ADAMTSL1: variants seen among roughly 807,000 people sequenced by gnomAD.
ADAMTSL1 encodes ADAMTS like 1.
ADAMTSL1 carries 126 observed loss-of-function variants against 201.8 expected under a neutral mutation model. The ratio of observed to expected loss-of-function variants is 0.62; its 90% CI spans 0.54 to 0.72. ADAMTSL1 has a LOEUF of 0.72. Ranked by LOEUF, ADAMTSL1 falls within the 30% of genes least tolerant of loss-of-function variation. The pLI, the probability that ADAMTSL1 is intolerant of heterozygous loss-of-function variation, is 0.00. For synonymous variants in ADAMTSL1, 1,121 were observed against 903.4 expected (o/e 1.24, Z -4.32); for missense variants, 2,679 against 2,277.8 (o/e 1.18, Z -3.59).
intron 15 of ADAMTSL1, among the ~76,000 whole-genome samples, chr9:18,746,932 C>T (rs1819181351): frequency 6.6e-6 from 1 of 152,158 alleles, no homozygotes; most frequent in African/African-American, 2.4e-5. Context: ...TCTGCCTTTG[C>T]CCATTTGGCT....
rs61625652 is a variant in ADAMTSL1 at position 18,240,436 on chromosome 9, T to C, written c.207+76455T>C. ...AGATGAGCTGTCATCCAGGCTTTGT[T>C]GTTCCATTTATAGAGCACAGGCAGA... is the stretch of plus-strand genomic sequence containing the variant. On this transcript the variant is annotated intron_variant, in intron 2 of 29. Transcript: ENST00000680146. Among the ~76,000 whole-genome samples, 1,477 of 152,214 alleles carry C rather than the reference T, an allele frequency of 9.7e-3. 21 individuals are homozygous for C. The highest frequency in any genetic ancestry group is 0.033 in the African/African-American group (1,381 of 41,528).
chr9:18,721,864 C>G (rs542449745), intron 15 of ADAMTSL1, among the ~76,000 whole-genome samples, 199 bp downstream of exon 15: 1 of 152,172 alleles, frequency 6.6e-6, no homozygotes, highest in Non-Finnish European at 1.5e-5. Flanking sequence ...ATGGTCATGC[C>G]AGAATCTGGA....
chr9:18,220,156 T>A (rs538259726), intron 2 of ADAMTSL1, among the ~76,000 whole-genome samples: 1 of 152,182 alleles, frequency 6.6e-6, no homozygotes, highest in Non-Finnish European at 1.5e-5. Context: ...CAAATTCGTA[T>A]CTTTACTAAT....
intron 2 of ADAMTSL1, among the ~76,000 whole-genome samples, chr9:18,233,621 CAA>C (rs149971494): frequency 0.034 from 5,182 of 151,314 alleles, 226 homozygotes; most frequent in African/African-American, 0.11. Context: ...AGACAGCAGA[CAA>C]AGAGATGAGA....
intron 4 of ADAMTSL1, among the ~76,000 whole-genome samples, chr9:18,581,337 T>A (rs1023276513): frequency 2.6e-5 from 4 of 152,204 alleles, no homozygotes; most frequent in African/African-American, 9.6e-5. Context: ...CTGCAAAGAT[T>A]CTATTTCCTA....
chr9:18,904,341 T>A (rs1830169062), intron 26 of ADAMTSL1, among the ~76,000 whole-genome samples: 1 of 151,956 alleles, frequency 6.6e-6, no homozygotes, highest in Admixed American at 6.6e-5. Context: ...TGATGGCACA[T>A]GCCTGTAGTC....
chr9:18,141,780 T>A (rs1464278396), intron 1 of ADAMTSL1, among the ~76,000 whole-genome samples: 1 of 152,168 alleles, frequency 6.6e-6, no homozygotes, highest in East Asian at 1.9e-4. Flanking sequence ...GTAGATCTTG[T>A]CACTGACTCT....
intron 2 of ADAMTSL1, among the ~76,000 whole-genome samples, chr9:18,372,760 A>G (rs1035252245): frequency 6.6e-6 from 1 of 152,326 alleles, no homozygotes; most frequent in Admixed American, 6.5e-5. Context: ...CTTTGGTTAC[A>G]TGTGGGGCTC....
intron 20 of ADAMTSL1, among the ~76,000 whole-genome samples, chr9:18,809,052 AAAG>A (rs1823343299): frequency 6.6e-6 from 1 of 152,264 alleles, no homozygotes; most frequent in South Asian, 2.1e-4. Flanking sequence ...TGATAGAAAT[AAAG>A]AAGACAAGAG....
intron 2 of ADAMTSL1, among the ~76,000 whole-genome samples, chr9:18,192,020 G>C (rs931374038): frequency 2.0e-5 from 3 of 152,130 alleles, no homozygotes; most frequent in African/African-American, 7.2e-5. Flanking sequence ...GATCGTTACG[G>C]TGTTTGACAT....
chr9:18,657,778 T>G (rs374914646), intron 8 of ADAMTSL1, 28 bp downstream of exon 8: 1 of 1,569,026 alleles, frequency 6.4e-7, no homozygotes, highest in African/African-American at 1.4e-5. Flanking sequence ...GTCTAAAAAC[T>G]GTTGGCTTCT....
intron 23 of ADAMTSL1, among the ~76,000 whole-genome samples, chr9:18,865,443 T>A (rs1055128674): frequency 6.6e-6 from 1 of 152,194 alleles, no homozygotes; most frequent in South Asian, 2.1e-4. Flanking sequence ...TCTATCGTTG[T>A]TGGACATTTG....
At chr9:18,758,003 T>C (rs150215700) in intron 16 of ADAMTSL1, among the ~76,000 whole-genome samples, 56 of 152,332 alleles carry the variant, frequency 3.7e-4, no homozygotes, top group African/African-American at 1.2e-3. Context: ...CACTATCCTA[T>C]GTGATAGTTA....
chr9:18,722,763 A>G (rs1262585394), intron 15 of ADAMTSL1, among the ~76,000 whole-genome samples: 2 of 152,322 alleles, frequency 1.3e-5, no homozygotes, highest in African/African-American at 4.8e-5. Flanking sequence ...AACTCATGCT[A>G]TATTCTCCAA....
chr9:18,018,557 A>T (rs1820352583), intron 1 of ADAMTSL1, among the ~76,000 whole-genome samples: 1 of 152,026 alleles, frequency 6.6e-6, no homozygotes, highest in Non-Finnish European at 1.5e-5. Context: ...CCTTTGATTG[A>T]TCACTATGGG....
chr9:18,621,599 C>CACACAG (rs1024727199), intron 4 of ADAMTSL1, among the ~76,000 whole-genome samples: 4 of 142,330 alleles, frequency 2.8e-5, no homozygotes, highest in Admixed American at 7.2e-5. Flanking sequence ...CACACACACA[C>CACACAG]AGTAAGTTTG....
chr9:18,434,615 T>C (rs1478977856), intron 2 of ADAMTSL1, among the ~76,000 whole-genome samples: 1 of 152,008 alleles, frequency 6.6e-6, no homozygotes, highest in Non-Finnish European at 1.5e-5. Context: ...ATTAGGCAGG[T>C]GGTTAGAAAA....
At chr9:18,066,757 A>G (rs919930850) in intron 1 of ADAMTSL1, among the ~76,000 whole-genome samples, 4 of 152,220 alleles carry the variant, frequency 2.6e-5, no homozygotes, top group Non-Finnish European at 5.9e-5. Flanking sequence ...ACAATGATAG[A>G]CTGGATTAAG....
intron 2 of ADAMTSL1, among the ~76,000 whole-genome samples, chr9:18,459,156 T>C (rs1205842955): frequency 3.9e-5 from 6 of 152,178 alleles, no homozygotes; most frequent in Admixed American, 2.6e-4. Context: ...TGCACATGGA[T>C]TTTCCATTAT....
Sources: gnomAD v4.1 joint callset for allele counts (sites outside exome capture counted in the v4.1 genomes callset) on GRCh38, gnomAD v4.1.1 for gene constraint, MANE v1.5 for transcripts, NCBI Gene and HGNC (gene_info 2026-07-23, HGNC 2026-07-21) for gene names.